NYAP2: variants seen among roughly 807,000 people sequenced by gnomAD.
The protein encoded by NYAP2 is neuronal tyrosine-phosphorylated phosphoinositide-3-kinase adapter 2.
Under a neutral mutation model 50.4 loss-of-function variants are expected in NYAP2, and 23 were observed. That is an observed-to-expected ratio of 0.46 (90% confidence interval 0.33 to 0.65). The LOEUF (loss-of-function observed/expected upper bound fraction) is 0.65. NYAP2 is among the 30% of genes least tolerant of loss of function. The pLI is 0.02. For synonymous variants in NYAP2, 394 were observed against 365.2 expected, an observed-to-expected ratio of 1.08 and a Z score of -0.90; for missense variants, 885 against 861.0, an observed-to-expected ratio of 1.03 and a Z score of -0.35.
At chr2:225,469,544 A>G (rs1689978974) in intron 3 of NYAP2, among the ~76,000 whole-genome samples, 1 of 152,272 alleles carries the variant, frequency 6.6e-6, no homozygotes, top group Middle Eastern at 3.4e-3. Flanking sequence ...ATAAAGACAC[A>G]TGCATACTAT....
chr2:225,592,800 C>T (rs917883737), intron 5 of NYAP2, among the ~76,000 whole-genome samples: 6 of 152,100 alleles, frequency 3.9e-5, no homozygotes, highest in Admixed American at 2.0e-4. Context: ...GTTTATCCCC[C>T]GTGTTTATAT....
At chr2:225,442,381 C>A (rs1305133728) in intron 3 of NYAP2, among the ~76,000 whole-genome samples, 2 of 152,048 alleles carry the variant, frequency 1.3e-5, no homozygotes, top group African/African-American at 4.8e-5. Flanking sequence ...ACAGTGAAGG[C>A]AAATCACCAA....
At chr2:225,446,033 T>G (rs1191925870) in intron 3 of NYAP2, among the ~76,000 whole-genome samples, 1 of 151,858 alleles carries the variant, frequency 6.6e-6, no homozygotes, top group Non-Finnish European at 1.5e-5. Context: ...TATGGAACTT[T>G]GGAGAGGTGT....
intron 4 of NYAP2, among the ~76,000 whole-genome samples, chr2:225,577,724 C>T (rs556905770): frequency 8.6e-5 from 13 of 151,124 alleles, no homozygotes; most frequent in Non-Finnish European, 1.5e-4. Flanking sequence ...CCTCAAAGAA[C>T]CATGATTTAC....
At chr2:225,672,537 T>C in the NYAP2 span, among the ~76,000 whole-genome samples, 1 of 152,194 alleles carries the variant, frequency 6.6e-6, no homozygotes, top group Admixed American at 6.5e-5. Flanking sequence ...CATTCAAATA[T>C]TAAGTGCAGT....
In NYAP2 at chr2:225,419,890, C is replaced by T. The variant is rs1038363612; in HGVS notation, c.221+10789C>T. ...GGCATTTGCAAATGACACATGTACC[C>T]AGCCCCCAACTGTGAATTTTCTAAG... is the stretch of plus-strand genomic sequence containing the variant. On this transcript the variant is annotated intron_variant, in intron 3 of 6. Transcript: ENST00000636099. Among the ~76,000 whole-genome samples the T allele has an allele frequency of 4.6e-5, 7 of 152,118 alleles. No homozygotes were observed. The South Asian group carries it at 1.5e-3, about 32-fold the overall frequency.
chr2:225,418,841 T>C (rs1159138669), intron 3 of NYAP2, among the ~76,000 whole-genome samples: 2 of 152,226 alleles, frequency 1.3e-5, no homozygotes, highest in Non-Finnish European at 2.9e-5. Context: ...AAAAATTGTA[T>C]ACATATACAC....
chr2:225,608,273 G>A (rs572543418), intron 5 of NYAP2, among the ~76,000 whole-genome samples: 4 of 152,212 alleles, frequency 2.6e-5, no homozygotes, highest in African/African-American at 9.6e-5. Flanking sequence ...GAAGTTGATG[G>A]CATTCTGATG....
At chr2:225,617,154 C>T (rs1432481432) in intron 5 of NYAP2, among the ~76,000 whole-genome samples, 1 of 152,196 alleles carries the variant, frequency 6.6e-6, no homozygotes, top group African/African-American at 2.4e-5. Context: ...AAAATCACAT[C>T]AGTGGCTTAT....
intron 3 of NYAP2, among the ~76,000 whole-genome samples, chr2:225,488,053 C>T (rs1690335597): frequency 6.6e-6 from 1 of 152,130 alleles, no homozygotes. Flanking sequence ...CTTTGTTCTC[C>T]TAGGAAGTTT....
intron 3 of NYAP2, among the ~76,000 whole-genome samples, chr2:225,462,815 C>T (rs183158015): frequency 1.1e-3 from 170 of 152,268 alleles, no homozygotes; most frequent in South Asian, 1.9e-3. Flanking sequence ...ACCTGTTTTG[C>T]CTTCCAGTGG....
intron 5 of NYAP2, among the ~76,000 whole-genome samples, chr2:225,622,563 C>CTTTCTTTCTTCTTTCTT (rs1693134783): frequency 6.9e-5 from 3 of 43,718 alleles, no homozygotes; most frequent in Non-Finnish European, 9.3e-5. Context: ...CTTTCTTTTT[C>CTTTCTTTCTTCTTTCTT]TTTCTTTCTT....
chr2:225,651,325 T>G, intron 6 of NYAP2, 107 bp from the exon 7 acceptor site: 1 of 1,428,992 alleles, frequency 7.0e-7, no homozygotes, highest in Non-Finnish European at 9.8e-7. Flanking sequence ...AGGAGCATTT[T>G]GTATATTCCA....
At chr2:225,437,236 C>T (rs936144464) in intron 3 of NYAP2, among the ~76,000 whole-genome samples, 2 of 151,992 alleles carry the variant, frequency 1.3e-5, no homozygotes, top group Non-Finnish European at 1.5e-5. Context: ...TCCACAGCCA[C>T]GTGGAAAGGC....
chr2:225,469,613 A>G (rs988113928), intron 3 of NYAP2, among the ~76,000 whole-genome samples: 1 of 152,190 alleles, frequency 6.6e-6, no homozygotes, highest in Non-Finnish European at 1.5e-5. Flanking sequence ...ATGTCCATCA[A>G]TGATAGACTG....
At chr2:225,571,475 C>T (rs1421531026) in intron 4 of NYAP2, among the ~76,000 whole-genome samples, 8 of 152,350 alleles carry the variant, frequency 5.3e-5, no homozygotes, top group South Asian at 2.1e-4. Context: ...CCCCAACTCT[C>T]GACTTCTGTG....
chr2:225,490,626 T>G (rs2106170756), intron 3 of NYAP2, among the ~76,000 whole-genome samples: 1 of 152,246 alleles, frequency 6.6e-6, no homozygotes, highest in Middle Eastern at 3.4e-3. Context: ...TTGAGAGGAT[T>G]AGGCAATCCA....
the NYAP2 span, among the ~76,000 whole-genome samples, chr2:225,694,289 G>A: frequency 2.8e-4 from 43 of 151,566 alleles, no homozygotes; most frequent in Non-Finnish European, 5.0e-4. Flanking sequence ...GGTGGAATGG[G>A]ATTTTACACA....
chr2:225,431,294 C>A (rs1351309891), intron 3 of NYAP2, among the ~76,000 whole-genome samples: 30 of 152,134 alleles, frequency 2.0e-4, no homozygotes, highest in Admixed American at 2.0e-3. Flanking sequence ...AGAAATCATA[C>A]CTCATCAACA....
Sources: allele counts gnomAD v4.1 joint callset (sites outside exome capture counted in the v4.1 genomes callset), GRCh38; gene constraint gnomAD v4.1.1; transcripts MANE v1.5; gene names NCBI Gene and HGNC (gene_info 2026-07-23, HGNC 2026-07-21).